PDXDC1: variants seen among roughly 807,000 people sequenced by gnomAD.
PDXDC1 encodes the protein pyridoxal-dependent decarboxylase domain-containing protein 1.
Under a neutral mutation model 100.1 loss-of-function variants are expected in PDXDC1, and 42 were observed. The ratio of observed to expected loss-of-function variants is 0.42; its 90% CI spans 0.33 to 0.54. The LOEUF (loss-of-function observed/expected upper bound fraction) is 0.54. Ranked by LOEUF, PDXDC1 falls within the 20% of genes least tolerant of loss-of-function variation. The pLI, the probability that PDXDC1 is intolerant of heterozygous loss-of-function variation, is 0.10. For missense variants in PDXDC1, 636 were observed against 979.2 expected (o/e 0.65, Z 4.68); for synonymous variants, 260 against 371.7 (o/e 0.70, Z 3.46).
At chr16:15,122,690 C>T (rs1348686663) in intron 16 of PDXDC1, among the ~76,000 whole-genome samples, 1 of 149,218 alleles carries the variant, frequency 6.7e-6, no homozygotes, top group Non-Finnish European at 1.5e-5. Context: ...AAAGAGAAGC[C>T]AAAAGAGCAG....
chr16:15,041,551 C>T, downstream of PDXDC1: 1 of 1,004,520 alleles, frequency 1.0e-6, no homozygotes, highest in East Asian at 2.4e-5. Context: ...GGTGCTTGGG[C>T]CCACTGCAAG....
intron 13 of PDXDC1, chr16:15,025,577 GGTCCTTTGAAAAGTTAGTAGAAAA>G (rs2042534584): frequency 6.6e-6 from 1 of 152,362 alleles, no homozygotes; most frequent in Non-Finnish European, 1.5e-5. Context: ...CTGTCCACAC[GGTCCTTTGAAAAGTTAGTAGAAAA>G]GATCTTGGGC....
chr16:15,148,961 TAAAG>T, the PDXDC1 span, among the ~76,000 whole-genome samples: 3 of 152,210 alleles, frequency 2.0e-5, no homozygotes, highest in Non-Finnish European at 2.9e-5. Flanking sequence ...CCGTGTCTAA[TAAAG>T]AAACTACCGT....
intron 16 of PDXDC1, among the ~76,000 whole-genome samples, chr16:15,128,554 T>C (rs535692119): frequency 8.4e-4 from 128 of 152,282 alleles, no homozygotes; most frequent in Admixed American, 1.0e-3. Context: ...TTACTGCAAT[T>C]TGTCCAATAA....
chr16:15,014,065 G>C (rs941785733), intron 8 of PDXDC1, among the ~76,000 whole-genome samples: 5 of 152,220 alleles, frequency 3.3e-5, no homozygotes, highest in African/African-American at 1.2e-4. Context: ...AAATTAGCTG[G>C]TTGTGGTGGC....
At position 15,110,959 on chromosome 16, in the gene PDXDC1, T is replaced by C. The variant is rs1345234601; in HGVS notation, c.1400-27920T>C. On this transcript the variant is annotated intron_variant, in intron 16 of 16. Transcript: ENST00000535621. ...GCCTGGCCAAGATGGTGAAACCCCA[T>C]CTCTACTAAAAATACAAAAATTAGC... 2.5e-5 allele frequency: 17 copies of C among 689,906 alleles called. 1 individual carries two copies. Among genetic ancestry groups the C allele is most frequent in the African/African-American group, 5.5e-5 (3 of 54,676 alleles). The allele number at this position is 689,906 out of a possible 1,614,324, so 42.7% of individuals were successfully genotyped here. A position where few individuals can be genotyped will look rare whatever the true frequency, so the allele number is the denominator to read the frequency against.
At position 15,036,636 on chromosome 16, in the gene PDXDC1, C is replaced by T. The variant is rs781074734; in HGVS notation, c.*361C>T. 7.4e-6 allele frequency: 2 copies of T among 268,936 alleles called. No individual in the cohort carries two copies. The highest frequency in any genetic ancestry group is 1.4e-5 in the Non-Finnish European group (2 of 141,090). 16.7% of individuals were successfully genotyped at this position (268,936 alleles called of 1,614,324 possible). ...CCGTGGCAACTTTTTGGTAAAACAG[C>T]TTTTCATTAGCACTCTCCAGGTTCT... On this transcript the variant is annotated 3_prime_UTR_variant, in exon 23 of 23. Coordinates refer to ENST00000396410, the MANE Select transcript of PDXDC1 (RefSeq NM_015027.4).
intron 16 of PDXDC1, among the ~76,000 whole-genome samples, chr16:15,051,388 T>C (rs1292486037): frequency 3.3e-5 from 5 of 152,272 alleles, no homozygotes; most frequent in South Asian, 2.1e-4. Context: ...AGGGTCTTAC[T>C]GTCTCCCAGG....
chr16:15,135,444 C>T lies in PDXDC1; in HGVS notation c.1400-3435C>T. On this transcript the variant is annotated intron_variant, in intron 16 of 16. Transcript: ENST00000535621. ...CCAGCCTCCCTCTGCAGGCCGAGAACAAGGGGCGACGTGGCCCGAGAACCC... is the reference window on the plus strand; with the variant it reads ...CCAGCCTCCCTCTGCAGGCCGAGAATAAGGGGCGACGTGGCCCGAGAACCC... 3 of 1,256,842 alleles carry T rather than the reference C, an allele frequency of 2.4e-6. No individual in the cohort carries two copies. The South Asian group carries it at 3.8e-5, about 16-fold the overall frequency. 77.9% of individuals were successfully genotyped at this position (1,256,842 alleles called of 1,614,324 possible).
intron 16 of PDXDC1, among the ~76,000 whole-genome samples, chr16:15,068,605 G>C (rs2045082233): frequency 6.6e-6 from 1 of 152,328 alleles, no homozygotes; most frequent in African/African-American, 2.4e-5. Flanking sequence ...AAAAGACCTT[G>C]TGATTTGGTT....
chr16:15,099,085 G>T (rs566207543), intron 16 of PDXDC1, among the ~76,000 whole-genome samples: 1 of 152,138 alleles, frequency 6.6e-6, no homozygotes, highest in South Asian at 2.1e-4. Context: ...GACTAAGGCT[G>T]CCAAGTTTTT....
rs533393014 is a variant in PDXDC1 at position 15,035,187 on chromosome 16, T to A, written c.2003-262T>A. 2.0e-4 allele frequency among the ~76,000 whole-genome samples: 30 copies of A among 152,372 alleles called. 1 individual carries two copies. Among genetic ancestry groups the A allele is most frequent in the African/African-American group, 7.0e-4 (29 of 41,586 alleles). On this transcript the variant is annotated intron_variant, in intron 21 of 22. Transcript: ENST00000396410. ...TCAGCAAAAAGGCACCCACTTCTTG[T>A]GGCTACAGTACGTTTCCCTGTTGGG...
chr16:15,033,137 C>A, intron 18 of PDXDC1, 141 bp from the exon 19 acceptor site: 2 of 1,058,228 alleles, frequency 1.9e-6, no homozygotes, highest in Non-Finnish European at 2.8e-6. Context: ...TGCAGCCTTG[C>A]CAGGCCTTTC....
chr16:15,082,141 G>A (rs1478510875), intron 16 of PDXDC1, among the ~76,000 whole-genome samples: 14 of 152,246 alleles, frequency 9.2e-5, no homozygotes, highest in South Asian at 2.1e-4. Flanking sequence ...CAGCAAGAGC[G>A]GACATCCTTG....
intron 1 of PDXDC1, among the ~76,000 whole-genome samples, chr16:14,980,100 A>G (rs957536520): frequency 2.0e-5 from 3 of 152,284 alleles, no homozygotes; most frequent in African/African-American, 4.8e-5. Context: ...CCATAGTACA[A>G]AGTTCCTGAT....
At chr16:15,086,131 G>A (rs959618888) in intron 16 of PDXDC1, 2 of 1,602,588 alleles carry the variant, frequency 1.2e-6, no homozygotes, top group African/African-American at 2.7e-5. Context: ...TGACTTACGA[G>A]GCACAAAATG....
At chr16:15,039,313 A>C (rs2043700655), downstream of PDXDC1, among the ~76,000 whole-genome samples, 1 of 152,228 alleles carries the variant, frequency 6.6e-6, no homozygotes, top group Non-Finnish European at 1.5e-5. Flanking sequence ...CTCCGAATCC[A>C]AACACATTTC....
chr16:15,050,707 G>A (rs1312390117), intron 16 of PDXDC1, among the ~76,000 whole-genome samples: 1 of 151,938 alleles, frequency 6.6e-6, no homozygotes, highest in Non-Finnish European at 1.5e-5. Context: ...ACTCCAGCCT[G>A]GGTGACAGAC....
At chr16:15,131,042 A>C in intron 16 of PDXDC1, 2 of 1,531,000 alleles carry the variant, frequency 1.3e-6, no homozygotes, top group Non-Finnish European at 1.8e-6. Flanking sequence ...CTTCCCCCCA[A>C]GAACAAGGCC....
Sources: gnomAD v4.1 joint callset for allele counts (sites outside exome capture counted in the v4.1 genomes callset) on GRCh38, gnomAD v4.1.1 for gene constraint, MANE v1.5 for transcripts, NCBI Gene and HGNC (gene_info 2026-07-23, HGNC 2026-07-21) for gene names.